Variants in CSMD1 observed in about 807,000 individuals in gnomAD.
CSMD1 encodes CUB and sushi domain-containing protein 1.
Under a neutral mutation model 417.5 loss-of-function variants are expected in CSMD1, and 213 were observed. The ratio of observed to expected loss-of-function variants is 0.51; its 90% CI spans 0.46 to 0.57. The LOEUF is 0.57. CSMD1 is among the 20% of genes least tolerant of loss of function. CSMD1 has a pLI of 0.00. For missense variants in CSMD1, 6,923 were observed against 4,529.7 expected (o/e 1.53, Z -15.17); for synonymous variants, 2,862 against 1,736.8 (o/e 1.65, Z -16.11).
chr8:4,626,969 G>A (rs191098708), intron 2 of CSMD1, among the ~76,000 whole-genome samples: 4 of 152,100 alleles, frequency 2.6e-5, no homozygotes, highest in African/African-American at 7.2e-5. Context: ...TACGTAAGTA[G>A]GTGAGTGTAT....
chr8:4,017,224 T>G (rs996211666), intron 4 of CSMD1, among the ~76,000 whole-genome samples: 1 of 152,232 alleles, frequency 6.6e-6, no homozygotes, highest in Non-Finnish European at 1.5e-5. Context: ...TATTTTAAAT[T>G]GTCAGCACTA....
At chr8:4,852,344 T>C (rs980251659) in intron 1 of CSMD1, among the ~76,000 whole-genome samples, 1 of 151,810 alleles carries the variant, frequency 6.6e-6, no homozygotes, top group Non-Finnish European at 1.5e-5. Flanking sequence ...AGTGAGAGAG[T>C]TCTTGCAACA....
Position 3,201,629 on chromosome 8 carries a change from A to T in CSMD1, c.5081T>A (p.Leu1694His). 6.2e-7 allele frequency: 1 copy of T among 1,602,210 alleles called. No individual in the cohort carries two copies. The highest frequency in any genetic ancestry group is 8.5e-7 in the Non-Finnish European group (1 of 1,173,636). The change falls in exon 32 of 70, where the codon CTC becomes CAC. Residue 1694 changes from leucine to histidine, a missense_variant. Leu to His is a moderately conservative substitution (Grantham distance 99). Coordinates refer to ENST00000635120, the MANE Select transcript of CSMD1 (RefSeq NM_033225.6). ...THAQARLLSS[L>H]SGSHSGETLP... Reference sequence around the variant, plus strand: ...AGACTTACCTGAGTGAGACCCCGAGAGTGAGCTGAGAAGTCTGGCCTGTGC... The same window carrying T: ...AGACTTACCTGAGTGAGACCCCGAGTGTGAGCTGAGAAGTCTGGCCTGTGC...
At chr8:3,840,429 T>C (rs1271884866) in intron 5 of CSMD1, among the ~76,000 whole-genome samples, 3 of 152,174 alleles carry the variant, frequency 2.0e-5, no homozygotes, top group Admixed American at 6.6e-5. Context: ...CTTTATTTTA[T>C]TGTGTTAGTA....
chr8:4,915,279 A>C (rs980392922), intron 1 of CSMD1, among the ~76,000 whole-genome samples: 16 of 152,230 alleles, frequency 1.1e-4, no homozygotes, highest in African/African-American at 3.9e-4. Context: ...ATTCATAGGC[A>C]TAACACCCCT....
At chr8:3,680,074 G>A (rs541375558) in intron 7 of CSMD1, among the ~76,000 whole-genome samples, 1 of 152,104 alleles carries the variant, frequency 6.6e-6, no homozygotes, top group East Asian at 1.9e-4. Flanking sequence ...ATGCCCACAA[G>A]AGAAAGCAGG....
chr8:4,302,760 A>C (rs956097410), intron 3 of CSMD1, among the ~76,000 whole-genome samples: 2 of 152,162 alleles, frequency 1.3e-5, no homozygotes, highest in Admixed American at 1.3e-4. Context: ...ACTGACCCCA[A>C]CTGAGTCCAG....
intron 3 of CSMD1, among the ~76,000 whole-genome samples, chr8:4,152,141 A>C (rs527753367): frequency 6.6e-6 from 1 of 152,266 alleles, no homozygotes; most frequent in East Asian, 1.9e-4. Flanking sequence ...ATCAACGATA[A>C]TTGTTTGAAA....
chr8:4,036,347 T>C (rs1797616442), intron 3 of CSMD1, among the ~76,000 whole-genome samples: 1 of 148,260 alleles, frequency 6.7e-6, no homozygotes, highest in Admixed American at 6.9e-5. Context: ...GAGGGACCCC[T>C]CCAAAATTGT....
At chr8:4,966,207 T>TAAAAAAAAAA (rs1233520112) in intron 1 of CSMD1, among the ~76,000 whole-genome samples, 1 of 36,840 alleles carries the variant, frequency 2.7e-5, no homozygotes. Context: ...CTACTAAATA[T>TAAAAAAAAAA]ACAAAAAAAA....
At chr8:3,947,837 A>G (rs934725097) in intron 5 of CSMD1, among the ~76,000 whole-genome samples, 6 of 152,208 alleles carry the variant, frequency 3.9e-5, no homozygotes, top group African/African-American at 1.4e-4. Context: ...CACATTTGTT[A>G]ACAGGGCTAA....
intron 3 of CSMD1, among the ~76,000 whole-genome samples, chr8:4,238,873 T>G (rs995750006): frequency 6.6e-6 from 1 of 152,160 alleles, no homozygotes; most frequent in East Asian, 1.9e-4. Context: ...CAAATGCAAT[T>G]TTTTTAGCAA....
At chr8:3,387,890 C>G (rs981312287) in intron 17 of CSMD1, among the ~76,000 whole-genome samples, 13 of 152,176 alleles carry the variant, frequency 8.5e-5, no homozygotes, top group African/African-American at 2.4e-4. Context: ...TATTGTTATG[C>G]TGTTTACCAG....
intron 5 of CSMD1, among the ~76,000 whole-genome samples, chr8:3,825,685 G>A (rs529162906): frequency 3.3e-5 from 5 of 152,088 alleles, no homozygotes; most frequent in Non-Finnish European, 7.4e-5. Flanking sequence ...AGGCTCAAGA[G>A]CTCCCTCAAA....
At chr8:3,594,219 G>A (rs959855468) in intron 8 of CSMD1, among the ~76,000 whole-genome samples, 8 of 152,100 alleles carry the variant, frequency 5.3e-5, no homozygotes, top group Non-Finnish European at 7.3e-5. Context: ...GACATGAGGC[G>A]AGCCCTGGAC....
chr8:3,106,061 T>A (rs369343774), intron 46 of CSMD1, among the ~76,000 whole-genome samples: 3 of 152,252 alleles, frequency 2.0e-5, no homozygotes, highest in South Asian at 4.1e-4. Context: ...TCTGTTAGCA[T>A]GTTAGTTTCA....
In CSMD1 at chr8:4,154,865, T is replaced by A. The variant is rs538756490; in HGVS notation, c.416-122766A>T. Reference sequence around the variant, plus strand: ...AGCTTTCTGATTTGTTGATACCAAGTCAGCTGCATCACAGTCCACAAATAT... The same window carrying A: ...AGCTTTCTGATTTGTTGATACCAAGACAGCTGCATCACAGTCCACAAATAT... On this transcript the variant is annotated intron_variant, in intron 3 of 69. Transcript: ENST00000635120. 2.6e-4 allele frequency among the ~76,000 whole-genome samples: 40 copies of A among 152,290 alleles called. No individual in the cohort carries two copies. In the South Asian group the frequency reaches 7.7e-3, roughly 29 times the overall value.
chr8:3,015,182 A>G (rs1373892796), intron 52 of CSMD1, among the ~76,000 whole-genome samples: 1 of 151,448 alleles, frequency 6.6e-6, no homozygotes, highest in African/African-American at 2.4e-5. Flanking sequence ...AGCATAACTG[A>G]GGCAGCTCTC....
chr8:4,424,126 A>C (rs1797410433), intron 2 of CSMD1, among the ~76,000 whole-genome samples: 1 of 152,064 alleles, frequency 6.6e-6, no homozygotes. Flanking sequence ...TTTTGAGTCT[A>C]GGGCTAGACA....
Sources: allele counts gnomAD v4.1 joint callset (sites outside exome capture counted in the v4.1 genomes callset), GRCh38; gene constraint gnomAD v4.1.1; transcripts MANE v1.5; gene names NCBI Gene and HGNC (gene_info 2026-07-23, HGNC 2026-07-21).